Variants in LPCAT2 observed in about 807,000 individuals in gnomAD.
LPCAT2 encodes the protein lysophosphatidylcholine acyltransferase 2, also known as 1-AGP acyltransferase 11.
A neutral mutation model predicts 64.7 loss-of-function variants in LPCAT2; 58 were observed. The observed-to-expected ratio is 0.90, with a 90% CI of 0.73 to 1.12. The LOEUF is 1.12. Among genes scored for constraint, LPCAT2 ranks in the 50% most tolerant of loss-of-function variants. LPCAT2 has a pLI of 0.00. For synonymous variants in LPCAT2, 252 were observed against 245.3 expected (o/e 1.03, Z -0.26); for missense variants, 579 against 669.8 (o/e 0.86, Z 1.50).
rs574403491 is a variant in LPCAT2 at position 55,574,636 on chromosome 16, T to C, written c.1221T>C (p.His407=). 11 of 1,611,032 alleles carry C rather than the reference T, an allele frequency of 6.8e-6. No individual in the cohort carries two copies. The highest frequency in any genetic ancestry group is 1.3e-5 in the African/African-American group (1 of 74,946). ...RQLFALFDRN[H]DGSIDFREYV... is the part of the protein sequence containing the mutation. Reference sequence around the variant, plus strand: ...TTTATCCCATCCTTTCACAGAACCATGATGGCAGCATTGACTTCCGAGAGT... The same window carrying C: ...TTTATCCCATCCTTTCACAGAACCACGATGGCAGCATTGACTTCCGAGAGT... Residue 407 remains histidine, a synonymous_variant, in exon 12 of 14, where the codon CAT becomes CAC. Coordinates refer to ENST00000262134, the MANE Select transcript of LPCAT2 (RefSeq NM_017839.5).
intron 1 of LPCAT2, among the ~76,000 whole-genome samples, chr16:55,512,805 C>G (rs1202088793): frequency 1.3e-5 from 2 of 152,164 alleles, no homozygotes; most frequent in Non-Finnish European, 2.9e-5. Context: ...ACATCTCAGG[C>G]TTTACACTGA....
intron 12 of LPCAT2, among the ~76,000 whole-genome samples, chr16:55,575,128 T>C (rs1596889298): frequency 1.3e-5 from 2 of 152,330 alleles, no homozygotes; most frequent in East Asian, 3.9e-4. Context: ...ATGTCAGTGA[T>C]ATTTTCAGTG....
At chr16:55,576,629 G>T (rs1242040606) in intron 12 of LPCAT2, among the ~76,000 whole-genome samples, 1 of 152,158 alleles carries the variant, frequency 6.6e-6, no homozygotes, top group African/African-American at 2.4e-5. Flanking sequence ...TTCAGGGAGG[G>T]TCCAGCTGGT....
intron 11 of LPCAT2, among the ~76,000 whole-genome samples, chr16:55,558,083 T>C (rs1963597230): frequency 6.6e-6 from 1 of 152,236 alleles, no homozygotes; most frequent in Non-Finnish European, 1.5e-5. Context: ...TTCTTAACTC[T>C]CTGCTTCACA....
intron 1 of LPCAT2, among the ~76,000 whole-genome samples, chr16:55,509,966 T>C (rs12930259): frequency 0.47 from 69,446 of 146,996 alleles, 17,113 homozygotes; most frequent in Non-Finnish European, 0.55. Flanking sequence ...GCAGATCTAC[T>C]ACGGGAGAGT....
chr16:55,516,713 A>G (rs1288916511), intron 1 of LPCAT2, among the ~76,000 whole-genome samples: 2 of 152,206 alleles, frequency 1.3e-5, no homozygotes, highest in Non-Finnish European at 2.9e-5. Flanking sequence ...ATTACTCAAT[A>G]ATGATAGAAG....
At chr16:55,552,877 G>A (rs1963533077) in intron 11 of LPCAT2, among the ~76,000 whole-genome samples, 1 of 152,048 alleles carries the variant, frequency 6.6e-6, no homozygotes, top group South Asian at 2.1e-4. Flanking sequence ...GGCTGGTTGT[G>A]GCACTTTAAA....
rs1963937867 is a variant in LPCAT2 at position 55,585,758 on chromosome 16, G to A, written c.*2660G>A. On this transcript the variant is annotated 3_prime_UTR_variant, in exon 14 of 14. Transcript: ENST00000262134. ...GTGTGATAGTAATGCTAGCTCTAAT[G>A]CATATTTAAAGGAGACTGCCTCGCT... The A allele has an allele frequency of 6.6e-6, 1 of 152,132 alleles. No homozygotes were observed. The highest frequency in any genetic ancestry group is 6.5e-5 in the Admixed American group (1 of 15,268). The allele number at this position is 152,132 out of a possible 1,614,324, so 9.4% of individuals were successfully genotyped here. A position where few individuals can be genotyped will look rare whatever the true frequency, so the allele number is the denominator to read the frequency against.
chr16:55,509,235 C>T lies in LPCAT2; in HGVS notation c.54C>T (p.Gly18=), dbSNP rs552900582. The T allele has an allele frequency of 6.1e-6, 9 of 1,470,856 alleles. No individual in the cohort carries two copies. Among genetic ancestry groups the T allele is most frequent in the South Asian group, 2.7e-5 (2 of 74,770 alleles). 91.1% of individuals were successfully genotyped at this position (1,470,856 alleles called of 1,614,324 possible). A position where few individuals can be genotyped will look rare whatever the true frequency, so the allele number is the denominator to read the frequency against. The part of the protein sequence containing the change: ...AEVAATVPGA[G]VGNVGLRPPM... ...TGGCGGCCACAGTGCCAGGTGCCGG[C>T]GTCGGGAACGTGGGGCTGCGGCCGC... The change falls in exon 1 of 14, where the codon GGC becomes GGT. Residue 18 remains glycine (G), a synonymous_variant. Coordinates refer to ENST00000262134, the MANE Select transcript of LPCAT2 (RefSeq NM_017839.5).
At chr16:55,562,643 G>C (rs536314420) in intron 11 of LPCAT2, among the ~76,000 whole-genome samples, 2 of 151,766 alleles carry the variant, frequency 1.3e-5, no homozygotes, top group Non-Finnish European at 2.9e-5. Flanking sequence ...TGATTTTTGA[G>C]CACAGCCATC....
At chr16:55,530,560 C>T (rs1315850096) in intron 4 of LPCAT2, among the ~76,000 whole-genome samples, 2 of 152,036 alleles carry the variant, frequency 1.3e-5, no homozygotes, top group Admixed American at 1.3e-4. Flanking sequence ...TTTATCTTTG[C>T]CCAGTTGAAA....
chr16:55,512,344 C>T (rs116114412), intron 1 of LPCAT2, among the ~76,000 whole-genome samples: 7 of 152,104 alleles, frequency 4.6e-5, no homozygotes, highest in East Asian at 1.9e-4. Flanking sequence ...AAAAACTACA[C>T]GAAGGCACTA....
At chr16:55,578,455 A>G (rs1201335381) in intron 12 of LPCAT2, among the ~76,000 whole-genome samples, 2 of 152,156 alleles carry the variant, frequency 1.3e-5, no homozygotes, top group African/African-American at 2.4e-5. Context: ...TGACCTTTCC[A>G]TCACTACAGA....
chr16:55,580,415 G>T (rs1963875721), intron 13 of LPCAT2, among the ~76,000 whole-genome samples: 1 of 152,110 alleles, frequency 6.6e-6, no homozygotes. Flanking sequence ...CTACTTCAAT[G>T]GAAGCTAATA....
At chr16:55,576,069 T>C (rs945641128) in intron 12 of LPCAT2, among the ~76,000 whole-genome samples, 2 of 152,168 alleles carry the variant, frequency 1.3e-5, no homozygotes, top group Non-Finnish European at 2.9e-5. Context: ...TGATATAAAA[T>C]TTGGCCCTTA....
intron 1 of LPCAT2, among the ~76,000 whole-genome samples, chr16:55,514,890 T>TTGTG (rs35295405): frequency 0.16 from 23,029 of 141,114 alleles, 1,885 homozygotes; most frequent in Middle Eastern, 0.26. Context: ...ATGCAATGCA[T>TTGTG]TGTGTGTGTG....
intron 11 of LPCAT2, among the ~76,000 whole-genome samples, chr16:55,563,060 A>C (rs538422358): frequency 1.3e-5 from 2 of 151,926 alleles, no homozygotes; most frequent in Non-Finnish European, 2.9e-5. Context: ...ATTGCTACCA[A>C]TTTTACAGAA....
At chr16:55,522,108 GAAC>G (rs1344287032) in intron 1 of LPCAT2, among the ~76,000 whole-genome samples, 4 of 151,640 alleles carry the variant, frequency 2.6e-5, no homozygotes, top group Non-Finnish European at 4.4e-5. Flanking sequence ...GGAATCAACA[GAAC>G]AACTAACTAC....
At chr16:55,542,929 G>A (rs1208746681) in intron 8 of LPCAT2, among the ~76,000 whole-genome samples, 2 of 152,114 alleles carry the variant, frequency 1.3e-5, no homozygotes, top group Non-Finnish European at 2.9e-5. Context: ...AGAAGATGAA[G>A]TTAGAAAGGA....
Sources: allele counts gnomAD v4.1 joint callset (sites outside exome capture counted in the v4.1 genomes callset), GRCh38; gene constraint gnomAD v4.1.1; transcripts MANE v1.5; gene names NCBI Gene and HGNC (gene_info 2026-07-23, HGNC 2026-07-21).